CCDC85A: variants seen among roughly 807,000 people sequenced by gnomAD.
CCDC85A encodes coiled-coil domain-containing protein 85A.
A neutral mutation model predicts 50.2 loss-of-function variants in CCDC85A; 38 were observed. The ratio of observed to expected loss-of-function variants is 0.76; its 90% CI spans 0.58 to 0.99. The LOEUF (loss-of-function observed/expected upper bound fraction) is 0.99. Ranked by LOEUF, CCDC85A falls within the 50% of genes least tolerant of loss-of-function variation. The pLI is 0.00. For missense variants in CCDC85A, 820 were observed against 742.0 expected (o/e 1.11, Z -1.22); for synonymous variants, 366 against 301.4 (o/e 1.21, Z -2.22).
intron 2 of CCDC85A, among the ~76,000 whole-genome samples, chr2:56,326,568 A>G (rs1321507071): frequency 6.6e-6 from 1 of 152,144 alleles, no homozygotes; most frequent in African/African-American, 2.4e-5. Context: ...TTCTAAAATT[A>G]AAAGGCATAA....
At chr2:56,317,809 A>G (rs78620509) in intron 2 of CCDC85A, among the ~76,000 whole-genome samples, 8,181 of 152,018 alleles carry the variant, frequency 0.054, 265 homozygotes, top group East Asian at 0.17. Context: ...TCCAGTTCCC[A>G]TTTTCTCTAT....
At chr2:56,241,309 C>T (rs575238613) in intron 2 of CCDC85A, among the ~76,000 whole-genome samples, 7 of 152,056 alleles carry the variant, frequency 4.6e-5, no homozygotes, top group South Asian at 4.1e-4. Context: ...AAGCATTTAT[C>T]GTTTGTGTTA....
intron 3 of CCDC85A, among the ~76,000 whole-genome samples, chr2:56,365,120 G>A (rs1675726438): frequency 6.6e-6 from 1 of 152,186 alleles, no homozygotes; most frequent in Non-Finnish European, 1.5e-5. Flanking sequence ...ACTACAGGAA[G>A]ATAGAACTAA....
At chr2:56,248,134 G>A (rs568991125) in intron 2 of CCDC85A, among the ~76,000 whole-genome samples, 36 of 152,338 alleles carry the variant, frequency 2.4e-4, no homozygotes, top group Non-Finnish European at 4.0e-4. Context: ...ATTTCTGGAA[G>A]TTAGGATATG....
intron 2 of CCDC85A, among the ~76,000 whole-genome samples, chr2:56,294,287 G>A (rs896186845): frequency 6.6e-6 from 1 of 152,114 alleles, no homozygotes; most frequent in Non-Finnish European, 1.5e-5. Flanking sequence ...GGGCCTTTTG[G>A]GGGGTGGCAG....
At chr2:56,308,960 G>T (rs923644450) in intron 2 of CCDC85A, among the ~76,000 whole-genome samples, 10 of 152,138 alleles carry the variant, frequency 6.6e-5, no homozygotes, top group African/African-American at 2.4e-4. Context: ...CTAGAAGCCA[G>T]AACTCTGTTT....
intron 2 of CCDC85A, among the ~76,000 whole-genome samples, chr2:56,228,626 A>T (rs1010594771): frequency 6.6e-6 from 1 of 151,696 alleles, no homozygotes; most frequent in African/African-American, 2.4e-5. Context: ...TCTGCCTCCC[A>T]GGTTCACATC....
At chr2:56,343,659 G>A (rs987567120) in intron 3 of CCDC85A, among the ~76,000 whole-genome samples, 1 of 152,068 alleles carries the variant, frequency 6.6e-6, no homozygotes, top group African/African-American at 2.4e-5. Flanking sequence ...TTCTAGGTTG[G>A]TTTCCTTTTC....
chr2:56,340,091 A>G (rs1187998215), intron 2 of CCDC85A, among the ~76,000 whole-genome samples: 1 of 152,156 alleles, frequency 6.6e-6, no homozygotes, highest in East Asian at 1.9e-4. Context: ...AATGTCAGTG[A>G]TGGGGGCTTT....
At position 56,193,106 on chromosome 2, in the gene CCDC85A, C is replaced by G. The variant is rs545118883; in HGVS notation, c.906C>G (p.Pro302=). The G allele has an allele frequency of 6.2e-7, 1 of 1,613,762 alleles. No homozygotes were observed. The highest frequency in any genetic ancestry group is 8.5e-7 in the Non-Finnish European group (1 of 1,179,848). ...QQRHPHPGSS[P]ETLPKHVLSG... ...GGCACCCGCATCCAGGGAGCAGCCC[C>G]GAAACGCTGCCCAAGCACGTGCTGA... The change falls in exon 2 of 6, where the codon CCC becomes CCG. Residue 302 remains proline, a synonymous_variant. Coordinates refer to ENST00000407595, the MANE Select transcript of CCDC85A (RefSeq NM_001080433.2).
chr2:56,294,308 G>A (rs1558627226), intron 2 of CCDC85A, among the ~76,000 whole-genome samples: 4 of 152,162 alleles, frequency 2.6e-5, no homozygotes, highest in South Asian at 2.1e-4. Context: ...GGGAAGGAGA[G>A]CATCAAGATA....
chr2:56,321,172 A>G (rs896188745), intron 2 of CCDC85A, among the ~76,000 whole-genome samples: 3 of 152,144 alleles, frequency 2.0e-5, no homozygotes, highest in African/African-American at 7.2e-5. Flanking sequence ...TGACAAACCC[A>G]CAGCCAATAT....
At chr2:56,285,227 A>G (rs1248380608) in intron 2 of CCDC85A, among the ~76,000 whole-genome samples, 1 of 150,936 alleles carries the variant, frequency 6.6e-6, no homozygotes, top group Non-Finnish European at 1.5e-5. Context: ...TCGGCCTCCC[A>G]AGTAGCTGGG....
intron 2 of CCDC85A, among the ~76,000 whole-genome samples, chr2:56,342,226 C>G (rs1674409455): frequency 6.6e-6 from 1 of 150,900 alleles, no homozygotes; most frequent in South Asian, 2.1e-4. Context: ...CCTCAATACA[C>G]TTTATTGCAG....
chr2:56,270,310 G>GA (rs969852228), intron 2 of CCDC85A, among the ~76,000 whole-genome samples: 1 of 151,956 alleles, frequency 6.6e-6, no homozygotes, highest in Non-Finnish European at 1.5e-5. Flanking sequence ...TACCTAAAAA[G>GA]AAAAAAATAT....
intron 2 of CCDC85A, among the ~76,000 whole-genome samples, chr2:56,259,749 C>G (rs1243316768): frequency 6.6e-6 from 1 of 152,216 alleles, no homozygotes; most frequent in African/African-American, 2.4e-5. Context: ...AGCCAAAGTT[C>G]TGCCCTTAAT....
intron 2 of CCDC85A, among the ~76,000 whole-genome samples, chr2:56,338,470 C>A (rs754746372): frequency 9.9e-5 from 15 of 152,052 alleles, no homozygotes; most frequent in Non-Finnish European, 2.1e-4. Context: ...GTTCCAGTAC[C>A]CAAAAGGCTT....
intron 2 of CCDC85A, among the ~76,000 whole-genome samples, chr2:56,313,120 T>G (rs1672769792): frequency 6.6e-6 from 1 of 152,172 alleles, no homozygotes; most frequent in Non-Finnish European, 1.5e-5. Flanking sequence ...GATGAGGAAT[T>G]ATATTGTCCT....
chr2:56,354,217 C>CA (rs1675109775), intron 3 of CCDC85A, among the ~76,000 whole-genome samples: 1 of 152,130 alleles, frequency 6.6e-6, no homozygotes, highest in Admixed American at 6.5e-5. Flanking sequence ...TTATACCCAA[C>CA]AATAGGTATT....
Sources: allele counts gnomAD v4.1 joint callset (sites outside exome capture counted in the v4.1 genomes callset), GRCh38; gene constraint gnomAD v4.1.1; transcripts MANE v1.5; gene names NCBI Gene and HGNC (gene_info 2026-07-23, HGNC 2026-07-21).